Variants in SLC7A5 observed in about 807,000 individuals in gnomAD.
The protein encoded by SLC7A5 is large neutral amino acids transporter small subunit 1.
Under a neutral mutation model 50.2 loss-of-function variants are expected in SLC7A5, and 23 were observed. That is an observed-to-expected ratio of 0.46 (90% confidence interval 0.33 to 0.65). The LOEUF (loss-of-function observed/expected upper bound fraction) is 0.65. Ranked by LOEUF, SLC7A5 falls within the 30% of genes least tolerant of loss-of-function variation. SLC7A5 has a pLI of 0.02. For missense variants in SLC7A5, 578 were observed against 684.4 expected, an observed-to-expected ratio of 0.84 and a Z score of 1.73; for synonymous variants, 393 against 330.6, an observed-to-expected ratio of 1.19 and a Z score of -2.05.
rs528842518 is a variant in SLC7A5 at position 87,861,785 on chromosome 16, G to A, written c.538+7100C>T. Among the ~76,000 whole-genome samples, 60 of 152,228 alleles carry A rather than the reference G, an allele frequency of 3.9e-4. No individual in the cohort carries two copies. Among genetic ancestry groups the A allele is most frequent in the Admixed American group, 5.9e-4 (9 of 15,294 alleles). ...GTGACCCAAGAAAAAAGGGTCACAA[G>A]TGCCCGTTAGGCTCTCCTGTGTGGC... is the stretch of plus-strand genomic sequence containing the variant. On this transcript the variant is annotated intron_variant, in intron 1 of 9. Coordinates refer to ENST00000261622, the MANE Select transcript of SLC7A5 (RefSeq NM_003486.7). This position sits in a 1 kb window ranked among gnomAD's most constrained non-coding sequence, Gnocchi z 4.2.
chr16:87,857,822 C>G (rs2055340355), intron 1 of SLC7A5, among the ~76,000 whole-genome samples: 1 of 152,210 alleles, frequency 6.6e-6, no homozygotes, highest in Non-Finnish European at 1.5e-5. Context: ...GTACTTTTTT[C>G]CATTTTTAAC....
intron 8 of SLC7A5, among the ~76,000 whole-genome samples, chr16:87,835,687 G>T (rs188871980): frequency 6.6e-6 from 1 of 152,042 alleles, no homozygotes; most frequent in South Asian, 2.1e-4. Context: ...TGTTAGCCAG[G>T]ATGGTCTCTA....
intron 8 of SLC7A5, among the ~76,000 whole-genome samples, chr16:87,835,714 T>G (rs1415939616): frequency 1.3e-5 from 2 of 152,138 alleles, no homozygotes; most frequent in African/African-American, 4.8e-5. Context: ...GACTTTGTGA[T>G]CTGCCCGCCT....
chr16:87,853,174 G>C lies in SLC7A5; in HGVS notation c.539-1325C>G, dbSNP rs1244027117. Among the ~76,000 whole-genome samples, 1 of 152,244 alleles carries C rather than the reference G, an allele frequency of 6.6e-6. No individual in the cohort carries two copies. Among genetic ancestry groups the C allele is most frequent in the African/African-American group, 2.4e-5 (1 of 41,462 alleles). On this transcript the variant is annotated intron_variant, in intron 1 of 9. Transcript: ENST00000261622. The surrounding 1 kb of genome is among the most constrained non-coding windows in gnomAD (Gnocchi z 4.4). ...AGCCAAGGCCTTGAGGACTCCAGTG[G>C]CTTTTCCCCAGCTGAACAAATCCTG...
At chr16:87,867,643 C>T (rs2055480151) in intron 1 of SLC7A5, among the ~76,000 whole-genome samples, 3 of 152,004 alleles carry the variant, frequency 2.0e-5, no homozygotes, top group South Asian at 4.2e-4. Flanking sequence ...TTTCATGGCT[C>T]AAGACCCCAA....
At position 87,869,476 on chromosome 16, in the gene SLC7A5, G is replaced by A; in HGVS notation, c.-54C>T. Reference sequence around the variant, plus strand: ...CCCGGGAGCCGCGGCCCAGCGAGCAGTGTGCGCGCCGCCCGCCGCCCGCAG... The same window carrying A: ...CCCGGGAGCCGCGGCCCAGCGAGCAATGTGCGCGCCGCCCGCCGCCCGCAG... On this transcript the variant is annotated 5_prime_UTR_variant, in exon 1 of 10. Coordinates refer to ENST00000261622, the MANE Select transcript of SLC7A5 (RefSeq NM_003486.7). The A allele has an allele frequency of 8.2e-7, 1 of 1,215,620 alleles. No homozygotes were observed. The highest frequency in any genetic ancestry group is 4.5e-5 in the Admixed American group (1 of 22,252). The allele number at this position is 1,215,620 out of a possible 1,614,324, so 75.3% of individuals were successfully genotyped here.
chr16:87,856,500 C>T (rs2055322759), intron 1 of SLC7A5, among the ~76,000 whole-genome samples: 1 of 152,202 alleles, frequency 6.6e-6, no homozygotes, highest in Non-Finnish European at 1.5e-5. Context: ...GGCCCGACAC[C>T]GGGCACAGGT....
At chr16:87,849,037 CG>C (rs2143773626) in intron 2 of SLC7A5, among the ~76,000 whole-genome samples, 1 of 152,346 alleles carries the variant, frequency 6.6e-6, no homozygotes, top group African/African-American at 2.4e-5. Context: ...ACCCAGGGTG[CG>C]GGACAGGCAG....
intron 1 of SLC7A5, among the ~76,000 whole-genome samples, chr16:87,865,559 A>C (rs1414860937): frequency 6.6e-6 from 1 of 151,968 alleles, no homozygotes; most frequent in Non-Finnish European, 1.5e-5. Context: ...AAATACAAAA[A>C]ATTAGCTGGG....
chr16:87,865,702 C>G (rs1166602612), intron 1 of SLC7A5, among the ~76,000 whole-genome samples: 1 of 152,036 alleles, frequency 6.6e-6, no homozygotes, highest in African/African-American at 2.4e-5. Flanking sequence ...AAAACTCCAT[C>G]TCAAAGATAA....
chr16:87,837,719 G>A, intron 7 of SLC7A5, 126 bp downstream of exon 7: 2 of 728,390 alleles, frequency 2.7e-6, no homozygotes, highest in South Asian at 3.3e-5. Flanking sequence ...AGCTCGGCAG[G>A]AGGCCACATT....
chr16:87,854,072 G>GCCCC lies in SLC7A5; in HGVS notation c.539-2227_539-2224dup, dbSNP rs1203086627. On this transcript the variant is annotated intron_variant, in intron 1 of 9. Coordinates refer to ENST00000261622, the MANE Select transcript of SLC7A5 (RefSeq NM_003486.7). ...GTGGGACAGAGGCCAGGACCCCCCCGCCCCCCCCCCCACCGCCAGCCTGAC... is the reference window on the plus strand; with the variant it reads ...GTGGGACAGAGGCCAGGACCCCCCCGCCCCCCCCCCCCCCCACCGCCAGCCTGAC... The GCCCC allele has an allele frequency of 3.2e-4, 29 of 89,502 alleles. 1 individual carries two copies. In the South Asian group the frequency reaches 5.4e-3, roughly 17 times the overall value. 5.5% of individuals were successfully genotyped at this position (89,502 alleles called of 1,614,324 possible).
At position 87,841,288 on chromosome 16, in the gene SLC7A5, A is replaced by C; in HGVS notation, c.665-133T>G. ...GGAGTGAAGGCTTTTCACTGTGACAAATGGTATGTACCTGCTGAGCCACAT... is the reference window on the plus strand; with the variant it reads ...GGAGTGAAGGCTTTTCACTGTGACACATGGTATGTACCTGCTGAGCCACAT... On this transcript the variant is annotated intron_variant, in intron 2 of 9. Coordinates refer to ENST00000261622, the MANE Select transcript of SLC7A5 (RefSeq NM_003486.7). This position sits in a 1 kb window ranked among gnomAD's most constrained non-coding sequence, Gnocchi z 4.8. 1 of 687,932 alleles carries C rather than the reference A, an allele frequency of 1.5e-6. No homozygotes were observed. Among genetic ancestry groups the C allele is most frequent in the Non-Finnish European group, 2.7e-6 (1 of 375,182 alleles). 42.6% of individuals were successfully genotyped at this position (687,932 alleles called of 1,614,324 possible).
intron 2 of SLC7A5, among the ~76,000 whole-genome samples, chr16:87,844,209 C>T (rs895654354): frequency 6.6e-6 from 1 of 152,168 alleles, no homozygotes; most frequent in Non-Finnish European, 1.5e-5. Context: ...AGGCATCTTC[C>T]TCAGGGGCTG....
intron 1 of SLC7A5, among the ~76,000 whole-genome samples, chr16:87,865,678 G>C (rs2055451719): frequency 6.6e-6 from 1 of 152,116 alleles, no homozygotes. Flanking sequence ...TTGTACTCCA[G>C]CCTGGGTAAG....
In SLC7A5 at chr16:87,838,863, C is replaced by T. The variant is rs774246254; in HGVS notation, c.940-46G>A. The T allele has an allele frequency of 6.9e-6, 10 of 1,456,036 alleles. No homozygotes were observed. In the African/African-American group the frequency reaches 7.0e-5, roughly 10 times the overall value. 90.2% of individuals were successfully genotyped at this position (1,456,036 alleles called of 1,614,324 possible). A position where few individuals can be genotyped will look rare whatever the true frequency, so the allele number is the denominator to read the frequency against. On this transcript the variant is annotated intron_variant, in intron 5 of 9. Transcript: ENST00000261622. ...AGCTGGGCCCCACCGGGCCGGCCCT[C>T]GCCCTCCCTGTGCTCACTGGGAGCC...
intron 1 of SLC7A5, among the ~76,000 whole-genome samples, chr16:87,864,723 T>A (rs1433567740): frequency 3.3e-5 from 5 of 152,224 alleles, no homozygotes; most frequent in African/African-American, 1.2e-4. Context: ...AGTTGCTACT[T>A]GGCCCTGATC....
At chr16:87,848,391 G>A (rs779933349) in intron 2 of SLC7A5, among the ~76,000 whole-genome samples, 1 of 152,318 alleles carries the variant, frequency 6.6e-6, no homozygotes, top group East Asian at 1.9e-4. Flanking sequence ...CCCACCCTCC[G>A]CCCTGCAGGC....
At position 87,833,593 on chromosome 16, in the gene SLC7A5, G is replaced by A. The variant is rs1216102143; in HGVS notation, c.1469-568C>T. On this transcript the variant is annotated intron_variant, in intron 9 of 9. Coordinates refer to ENST00000261622, the MANE Select transcript of SLC7A5 (RefSeq NM_003486.7). This position sits in a 1 kb window ranked among gnomAD's most constrained non-coding sequence, Gnocchi z 6.0. ...TGCAGATCCCACTGCAAAGCTTGAG[G>A]CAAATGTTCTACCATGACCCTGGCG... is the stretch of plus-strand genomic sequence containing the variant. 1.3e-5 allele frequency among the ~76,000 whole-genome samples: 2 copies of A among 152,180 alleles called. No individual in the cohort carries two copies. The highest frequency in any genetic ancestry group is 2.9e-5 in the Non-Finnish European group (2 of 68,024).
Sources: gnomAD v4.1 joint callset for allele counts (sites outside exome capture counted in the v4.1 genomes callset) on GRCh38, gnomAD v4.1.1 for gene constraint, Gnocchi (gnomAD v3.1) non-coding constraint, MANE v1.5 for transcripts, NCBI Gene and HGNC (gene_info 2026-07-23, HGNC 2026-07-21) for gene names.